The following MIS18A variants were observed in gnomAD, a reference collection of about 807,000 sequenced individuals.
MIS18A encodes the protein MIS18 kinetochore protein A, also known as protein Mis18-alpha.
A neutral mutation model predicts 25.0 loss-of-function variants in MIS18A; 14 were observed. The ratio of observed to expected loss-of-function variants is 0.56; its 90% CI spans 0.37 to 0.88. MIS18A has a LOEUF of 0.88. Ranked by LOEUF, MIS18A falls within the 40% of genes least tolerant of loss-of-function variation. The pLI is 0.00. For missense variants in MIS18A, 292 were observed against 290.8 expected (o/e 1.00, Z -0.03); for synonymous variants, 134 against 118.6 (o/e 1.13, Z -0.84).
chr21:32,239,053 G>A, the MIS18A span, among the ~76,000 whole-genome samples: 2 of 152,220 alleles, frequency 1.3e-5, no homozygotes, highest in East Asian at 3.9e-4. Flanking sequence ...TTATATATGT[G>A]TACTGGGAAA....
the MIS18A span, among the ~76,000 whole-genome samples, chr21:32,183,344 T>C: frequency 6.6e-6 from 1 of 152,248 alleles, no homozygotes; most frequent in Non-Finnish European, 1.5e-5. Context: ...TTTGGTAATA[T>C]GTCATCAAGC....
At chr21:32,265,938 T>A (rs931977511), downstream of MIS18A, among the ~76,000 whole-genome samples, 6 of 148,648 alleles carry the variant, frequency 4.0e-5, no homozygotes, top group African/African-American at 1.5e-4. Context: ...ACATGGAGAG[T>A]CTTTATATCT....
At chr21:32,253,161 C>G in the MIS18A span, among the ~76,000 whole-genome samples, 1 of 151,942 alleles carries the variant, frequency 6.6e-6, no homozygotes, top group African/African-American at 2.4e-5. Flanking sequence ...GGTGCCCCCC[C>G]GCACGACCCC....
At chr21:32,252,203 G>GAGAAGAAGA in the MIS18A span, among the ~76,000 whole-genome samples, 45 of 119,288 alleles carry the variant, frequency 3.8e-4, no homozygotes, top group Middle Eastern at 4.3e-3. Context: ...GGAAGAGGAG[G>GAGAAGAAGA]AGAAGAAGAA....
At chr21:32,198,303 A>C in the MIS18A span, among the ~76,000 whole-genome samples, 1 of 152,260 alleles carries the variant, frequency 6.6e-6, no homozygotes, top group Non-Finnish European at 1.5e-5. Context: ...AAGGCATTGA[A>C]TGAGAATAAA....
chr21:32,158,024 T>C, the MIS18A span, among the ~76,000 whole-genome samples: 1 of 152,170 alleles, frequency 6.6e-6, no homozygotes, highest in Admixed American at 6.5e-5. Flanking sequence ...GAGCTAGTGT[T>C]TACCAATTTG....
chr21:32,161,243 C>T, the MIS18A span, among the ~76,000 whole-genome samples: 72 of 152,296 alleles, frequency 4.7e-4, 1 homozygote, highest in Non-Finnish European at 8.4e-4. Context: ...ATACAAATTA[C>T]ATTTCATTGT....
chr21:32,160,312 ACACACACACAC>A, the MIS18A span, among the ~76,000 whole-genome samples: 1 of 151,314 alleles, frequency 6.6e-6, no homozygotes, highest in Non-Finnish European at 1.5e-5. Context: ...ACACACACAC[ACACACACACAC>A]ACACACACAT....
the MIS18A span, among the ~76,000 whole-genome samples, chr21:32,207,541 G>C: frequency 4.6e-5 from 7 of 152,282 alleles, no homozygotes; most frequent in Admixed American, 2.0e-4. Context: ...TATCTGGCAT[G>C]TTGCCATATC....
chr21:32,248,119 T>C, the MIS18A span, among the ~76,000 whole-genome samples: 1 of 152,344 alleles, frequency 6.6e-6, no homozygotes, highest in South Asian at 2.1e-4. Context: ...GCTCCCAGGC[T>C]ACACTTCCTG....
the MIS18A span, among the ~76,000 whole-genome samples, chr21:32,204,751 G>T: frequency 6.6e-6 from 1 of 151,876 alleles, no homozygotes; most frequent in Non-Finnish European, 1.5e-5. Context: ...GCCAGGCATG[G>T]TGGCAGGTGC....
chr21:32,266,690 A>G (rs144363984), downstream of MIS18A, among the ~76,000 whole-genome samples: 2,486 of 151,718 alleles, frequency 0.016, 54 homozygotes, highest in African/African-American at 0.055. Flanking sequence ...AACTCCGAAC[A>G]CATCTGAACA....
chr21:32,271,520 T>C (rs1219308470), intron 2 of MIS18A, among the ~76,000 whole-genome samples: 3 of 152,266 alleles, frequency 2.0e-5, no homozygotes, highest in Admixed American at 6.5e-5. Flanking sequence ...GATCACCATC[T>C]GATTAAGTCA....
the MIS18A span, among the ~76,000 whole-genome samples, chr21:32,189,259 C>T: frequency 6.6e-6 from 1 of 152,108 alleles, no homozygotes; most frequent in Non-Finnish European, 1.5e-5. Context: ...TCTCATACTT[C>T]ACTTTATTTT....
the MIS18A span, among the ~76,000 whole-genome samples, chr21:32,168,536 T>C: frequency 2.6e-5 from 4 of 152,152 alleles, no homozygotes; most frequent in Non-Finnish European, 5.9e-5. Flanking sequence ...ATTGACTAGA[T>C]GAAATAATAA....
At chr21:32,159,988 G>A in the MIS18A span, among the ~76,000 whole-genome samples, 1 of 152,196 alleles carries the variant, frequency 6.6e-6, no homozygotes, top group African/African-American at 2.4e-5. Context: ...ATCTGAGAAG[G>A]AAGGAAGGAA....
the MIS18A span, among the ~76,000 whole-genome samples, chr21:32,208,999 C>A: frequency 6.6e-6 from 1 of 152,202 alleles, no homozygotes; most frequent in South Asian, 2.1e-4. Flanking sequence ...GATCAAAAAG[C>A]AGTTGCTTGA....
chr21:32,189,075 T>A, the MIS18A span, among the ~76,000 whole-genome samples: 2 of 151,886 alleles, frequency 1.3e-5, no homozygotes, highest in Non-Finnish European at 2.9e-5. Flanking sequence ...CTGGACAAAC[T>A]CCCTCAGCTT....
At chr21:32,220,492 C>A in the MIS18A span, among the ~76,000 whole-genome samples, 1 of 152,114 alleles carries the variant, frequency 6.6e-6, no homozygotes, top group East Asian at 1.9e-4. Context: ...CATCAAAGAT[C>A]AAAGGTAGAT....
Sources: allele counts gnomAD v4.1 joint callset (sites outside exome capture counted in the v4.1 genomes callset), GRCh38; gene constraint gnomAD v4.1.1; transcripts MANE v1.5; gene names NCBI Gene and HGNC (gene_info 2026-07-23, HGNC 2026-07-21).